Variants in PTCSC3 observed in about 807,000 individuals in gnomAD.
PTCSC3 encodes the protein papillary thyroid carcinoma susceptibility candidate 3 (non-protein coding).
intron 3 of PTCSC3, among the ~76,000 whole-genome samples, chr14:36,148,815 T>G (rs1881655093): frequency 6.6e-6 from 1 of 152,200 alleles, no homozygotes; most frequent in East Asian, 1.9e-4. Flanking sequence ...GGGCATAGAG[T>G]TGTTTAAAAT....
At chr14:36,157,698 C>T (rs1881860275) in intron 2 of PTCSC3, among the ~76,000 whole-genome samples, 1 of 152,110 alleles carries the variant, frequency 6.6e-6, no homozygotes, top group African/African-American at 2.4e-5. Context: ...GTGATGCCCC[C>T]AGCTTTGATC....
At chr14:36,148,704 TA>T (rs1324047997) in intron 3 of PTCSC3, among the ~76,000 whole-genome samples, 8 of 152,198 alleles carry the variant, frequency 5.3e-5, no homozygotes, top group Admixed American at 2.6e-4. Flanking sequence ...TCAATTTCTT[TA>T]ATAGATTCAG....
chr14:36,142,561 T>C (rs143070361), intron 3 of PTCSC3, among the ~76,000 whole-genome samples: 127 of 152,356 alleles, frequency 8.3e-4, no homozygotes, highest in South Asian at 7.3e-3. Context: ...ATTGTTATCA[T>C]TTCTTTCTTA....
intron 2 of PTCSC3, among the ~76,000 whole-genome samples, chr14:36,156,166 T>A (rs1337751416): frequency 6.6e-6 from 1 of 152,274 alleles, no homozygotes. Context: ...ACCGTACGTC[T>A]CTGCTCATGG....
chr14:36,135,601 A>G (rs1881267683), downstream of PTCSC3, among the ~76,000 whole-genome samples: 1 of 152,182 alleles, frequency 6.6e-6, no homozygotes. Flanking sequence ...ACTGACTTCA[A>G]AATTTTCTGT....
intron 1 of PTCSC3, among the ~76,000 whole-genome samples, chr14:36,167,752 G>A (rs147188025): frequency 0.016 from 2,378 of 152,262 alleles, 34 homozygotes; most frequent in South Asian, 0.043. Flanking sequence ...CTTAGGGAAA[G>A]CACTTAGGAA....
chr14:36,172,614 T>TTAAG (rs1882210855), intron 1 of PTCSC3, among the ~76,000 whole-genome samples: 1 of 152,142 alleles, frequency 6.6e-6, no homozygotes, highest in Non-Finnish European at 1.5e-5. Flanking sequence ...CCTTCCAACT[T>TTAAG]TAAGTACTAC....
chr14:36,152,083 C>T (rs557171001), intron 3 of PTCSC3, among the ~76,000 whole-genome samples: 2 of 125,348 alleles, frequency 1.6e-5, no homozygotes, highest in African/African-American at 5.7e-5. Context: ...CTCTTTAAAA[C>T]TCTTTACATG....
intron 3 of PTCSC3, among the ~76,000 whole-genome samples, chr14:36,150,288 G>A (rs1250163055): frequency 6.6e-6 from 1 of 152,068 alleles, no homozygotes; most frequent in Non-Finnish European, 1.5e-5. Flanking sequence ...CTCATGAATG[G>A]TATTATTGCC....
intron 3 of PTCSC3, among the ~76,000 whole-genome samples, chr14:36,148,938 A>G (rs1480307858): frequency 6.6e-6 from 1 of 152,078 alleles, no homozygotes; most frequent in African/African-American, 2.4e-5. Flanking sequence ...TTTATCAATT[A>G]GATTGCTCTA....
chr14:36,165,166 C>G (rs186997905), intron 1 of PTCSC3: 1 of 152,302 alleles, frequency 6.6e-6, no homozygotes, highest in East Asian at 1.9e-4. Context: ...TGCCCTCTCC[C>G]CACGTGCAGT....
chr14:36,154,253 T>C (rs571072936), intron 2 of PTCSC3, among the ~76,000 whole-genome samples: 6 of 152,120 alleles, frequency 3.9e-5, no homozygotes, highest in Non-Finnish European at 8.8e-5. Context: ...TGGTGAGTGA[T>C]CTGGGTGGTA....
At chr14:36,139,470 A>AT (rs1423084889) in intron 3 of PTCSC3, among the ~76,000 whole-genome samples, 1 of 149,298 alleles carries the variant, frequency 6.7e-6, no homozygotes, top group Non-Finnish European at 1.5e-5. Context: ...TGTGTGTCTC[A>AT]TTATACTGTT....
chr14:36,175,333 A>G (rs10137274), intron 1 of PTCSC3, among the ~76,000 whole-genome samples: 13,289 of 152,170 alleles, frequency 0.087, 697 homozygotes, highest in Middle Eastern at 0.18. Context: ...CTGAAATCGG[A>G]TGCTTCACAT....
upstream of PTCSC3, chr14:36,176,600 T>G (rs1403066941): frequency 6.6e-6 from 1 of 152,156 alleles, no homozygotes; most frequent in Non-Finnish European, 1.5e-5. Flanking sequence ...TTTTATACTT[T>G]ACTCTTCAAA....
At chr14:36,168,707 C>T (rs1882140866) in intron 1 of PTCSC3, among the ~76,000 whole-genome samples, 1 of 152,086 alleles carries the variant, frequency 6.6e-6, no homozygotes, top group African/African-American at 2.4e-5. Context: ...CCTCAAACTC[C>T]TGGGCTTAAG....
rs1181488536 is a variant in PTCSC3, at chr14:36,152,904, A to AAAAAAAGAAAGAAAGAAAGAAAAAG, written n.322+875_322+899dup. Among the ~76,000 whole-genome samples, 78 of 152,132 alleles carry AAAAAAAGAAAGAAAGAAAGAAAAAG rather than the reference A, an allele frequency of 5.1e-4. 2 individuals are homozygous for AAAAAAAGAAAGAAAGAAAGAAAAAG. The South Asian group carries it at 0.011, about 22-fold the overall frequency. Reference sequence around the variant, plus strand: ...GCGAGACTCCATCTCGAAAGGAAAAAAAAAAAGAAAGAAAGAAAGAAAAAG... The same window carrying AAAAAAAGAAAGAAAGAAAGAAAAAG: ...GCGAGACTCCATCTCGAAAGGAAAAAAAAAAAGAAAGAAAGAAAGAAAAAGAAAAAAGAAAGAAAGAAAGAAAAAG... On this transcript the variant is annotated intron_variant and non_coding_transcript_variant, in intron 3 of 3. Transcript: ENST00000556013.
intron 3 of PTCSC3, among the ~76,000 whole-genome samples, chr14:36,152,941 C>T (rs1881755813): frequency 6.6e-6 from 1 of 151,768 alleles, no homozygotes; most frequent in Admixed American, 6.6e-5. Flanking sequence ...AAAAAGACAA[C>T]CCAAGTTTTT....
At chr14:36,161,484 C>A (rs1178616902) in intron 2 of PTCSC3, among the ~76,000 whole-genome samples, 2 of 152,240 alleles carry the variant, frequency 1.3e-5, no homozygotes, top group Non-Finnish European at 2.9e-5. Context: ...GACCACTCTG[C>A]TGCAGGTCTG....
Sources: allele counts gnomAD v4.1 joint callset (sites outside exome capture counted in the v4.1 genomes callset), GRCh38; gene constraint gnomAD v4.1.1; transcripts MANE v1.5; gene names NCBI Gene and HGNC (gene_info 2026-07-23, HGNC 2026-07-21).